The following DIAPH1 variants were observed in gnomAD, a reference collection of about 807,000 sequenced individuals.
DIAPH1 encodes the protein protein diaphanous homolog 1.
In DIAPH1, 46 loss-of-function variants were observed where a neutral mutation model predicts 140.7. The observed-to-expected ratio is 0.33, with a 90% CI of 0.26 to 0.42. The LOEUF (loss-of-function observed/expected upper bound fraction) is 0.42. Ranked by LOEUF, DIAPH1 falls within the 10% of genes least tolerant of loss-of-function variation. The pLI is 1.00. For synonymous variants in DIAPH1, 565 were observed against 551.6 expected (o/e 1.02, Z -0.34); for missense variants, 1,310 against 1,558.7 (o/e 0.84, Z 2.69).
At position 141,534,582 on chromosome 5, in the gene DIAPH1, C is replaced by T. The variant is rs2099888734; in HGVS notation, c.2483-149G>A. ...CCTTCAAAACTAACCTCCTCTTCAA[C>T]CAACCACCCTTTTATTACTGAACCT... On this transcript the variant is annotated intron_variant, in intron 18 of 27. Coordinates refer to ENST00000389054, the MANE Select transcript of DIAPH1 (RefSeq NM_005219.5). 5.1e-5 allele frequency: 34 copies of T among 661,516 alleles called. 1 individual carries two copies. Among genetic ancestry groups the T allele is most frequent in the South Asian group, 4.9e-4 (29 of 59,642 alleles). The allele number at this position is 661,516 out of a possible 1,614,324, so 41.0% of individuals were successfully genotyped here.
chr5:141,557,803 G>A (rs1352887820), intron 18 of DIAPH1: 2 of 152,212 alleles, frequency 1.3e-5, no homozygotes, highest in Admixed American at 1.3e-4. Flanking sequence ...TCAGGATGCA[G>A]GCAGCCTGCA....
chr5:141,583,753 C>A, intron 4 of DIAPH1, 138 bp from the exon 5 acceptor site: 2 of 1,231,664 alleles, frequency 1.6e-6, no homozygotes, highest in South Asian at 1.3e-5. Context: ...GTTGCCCAGG[C>A]TGATTTCAAA....
chr5:141,527,700 A>G lies in DIAPH1; in HGVS notation c.3149-3T>C, dbSNP rs747213946. 1 of 229,096 alleles carries G rather than the reference A, an allele frequency of 4.4e-6. No homozygotes were observed. Among genetic ancestry groups the G allele is most frequent in the Non-Finnish European group, 7.4e-6 (1 of 135,764 alleles). 14.2% of individuals were successfully genotyped at this position (229,096 alleles called of 1,614,324 possible). ...CTTTTGCAAGTTTTCAGCAGAAACT[A>G]AAAAAAAAAAAAAAAAAAAAAACCA... is the stretch of plus-strand genomic sequence containing the variant. On this transcript the variant is annotated splice_polypyrimidine_tract_variant and splice_region_variant and intron_variant, in intron 23 of 27. Coordinates refer to ENST00000389054, the MANE Select transcript of DIAPH1 (RefSeq NM_005219.5).
At chr5:141,555,679 G>A (rs1205892899) in intron 18 of DIAPH1, among the ~76,000 whole-genome samples, 2 of 152,096 alleles carry the variant, frequency 1.3e-5, no homozygotes, top group Admixed American at 6.5e-5. Context: ...CAAAATAGGT[G>A]GGTATAGATA....
At chr5:141,525,936 C>A in intron 26 of DIAPH1, 102 bp downstream of exon 26, 1 of 1,578,478 alleles carries the variant, frequency 6.3e-7, no homozygotes, top group East Asian at 2.2e-5. Flanking sequence ...AAATCATTTG[C>A]CAGGAGGTGA....
intron 1 of DIAPH1, among the ~76,000 whole-genome samples, chr5:141,610,028 T>C (rs2099901561): frequency 6.6e-6 from 1 of 152,206 alleles, no homozygotes; most frequent in Non-Finnish European, 1.5e-5. Flanking sequence ...CCGAGCACAG[T>C]GGCTCACACT....
At position 141,519,071 on chromosome 5, in the gene DIAPH1, T is replaced by C. The variant is rs538501415; in HGVS notation, c.3662-2063A>G. ...CTTATCTAGTTACAGATCATAGGTA[T>C]GTGCCCGAGACTGTGGGATTTTCAC... On this transcript the variant is annotated intron_variant, in intron 27 of 27. Coordinates refer to ENST00000389054, the MANE Select transcript of DIAPH1 (RefSeq NM_005219.5). 11 of 1,348,480 alleles carry C rather than the reference T, an allele frequency of 8.2e-6. No homozygotes were observed. The East Asian group carries it at 2.0e-4, about 25-fold the overall frequency. 83.5% of individuals were successfully genotyped at this position (1,348,480 alleles called of 1,614,324 possible).
chr5:141,557,064 A>G (rs915773728), intron 18 of DIAPH1, among the ~76,000 whole-genome samples: 1 of 152,256 alleles, frequency 6.6e-6, no homozygotes, highest in Non-Finnish European at 1.5e-5. Context: ...AGCATAAGAG[A>G]GAACCTATAG....
chr5:141,567,220 GT>G (rs144214345), intron 18 of DIAPH1, among the ~76,000 whole-genome samples: 2 of 152,312 alleles, frequency 1.3e-5, no homozygotes, highest in Non-Finnish European at 2.9e-5. Context: ...AAAGAAAATG[GT>G]GATGGAAAGG....
chr5:141,528,932 C>T lies in DIAPH1; in HGVS notation c.2788G>A (p.Val930Met). ...TTGAGGCGAGGCCGCAGTCGGGGCA[C>T]AGTGCCCATCTAGTAAAGAACACAA... ...SEQFGVVMGTVPRLRPRLNAI... is the reference protein window; with the variant it reads ...SEQFGVVMGTMPRLRPRLNAI... The change falls in exon 22 of 28, where the codon GTG (valine) becomes ATG (methionine). Residue 930 changes from valine (V) to methionine (M), a missense_variant. Physicochemically the swap from Val to Met is conservative, Grantham distance 21. Coordinates refer to ENST00000389054, the MANE Select transcript of DIAPH1 (RefSeq NM_005219.5). 4 of 1,613,832 alleles carry T rather than the reference C, an allele frequency of 2.5e-6. No individual in the cohort carries two copies. The highest frequency in any genetic ancestry group is 3.4e-6 in the Non-Finnish European group (4 of 1,180,048).
rs1293774648 is a variant in DIAPH1, at chr5:141,534,428, T to C, written c.2488A>G (p.Lys830Glu). The change falls in exon 19 of 28, where the codon AAG becomes GAG. Residue 830 changes from lysine (K) to glutamate (E), a missense_variant. Transcript: ENST00000389054. ...TTTTCTTCTCCACCTTCTTGATCCT[T>C]CTTGGCTAGCAGGGAAAAGATTAGA... ...SAQTKTSKAKKDQEGGEEKKS... is the reference protein window; with the variant it reads ...SAQTKTSKAKEDQEGGEEKKS... The C allele has an allele frequency of 1.9e-6, 3 of 1,613,202 alleles. No homozygotes were observed. The highest frequency in any genetic ancestry group is 2.2e-5 in the South Asian group (2 of 91,084).
At position 141,580,773 on chromosome 5, in the gene DIAPH1, A is replaced by G; in HGVS notation, c.795T>C (p.Ala265=). 1.2e-6 allele frequency: 2 copies of G among 1,614,212 alleles called. No homozygotes were observed. Among genetic ancestry groups the G allele is most frequent in the South Asian group, 2.2e-5 (2 of 91,084 alleles). The stretch of plus-strand genomic sequence containing the variant: ...CCTCTGGCTGCGGTAGAATACAAAG[A>G]GCAGAAAGCAGCTTAGCTGCATCAA... ...MMIDAAKLLS[A]LCILPQPEDM... Residue 265 remains alanine (A), a synonymous_variant, in exon 8 of 28, where the codon GCT becomes GCC. Coordinates refer to ENST00000389054, the MANE Select transcript of DIAPH1 (RefSeq NM_005219.5).
At chr5:141,522,515 A>AGGAAGAGGCTTAAAAGGGAATTCCCCCGT in intron 27 of DIAPH1, among the ~76,000 whole-genome samples, 1 of 150,840 alleles carries the variant, frequency 6.6e-6, no homozygotes, top group East Asian at 2.0e-4. Context: ...ATAGTTCCAC[A>AGGAAGAGGCTTAAAAGGGAATTCCCCCGT]GGAAGAGGCT....
intron 18 of DIAPH1, among the ~76,000 whole-genome samples, chr5:141,549,571 TACTA>T (rs2154595587): frequency 6.6e-6 from 1 of 152,196 alleles, no homozygotes; most frequent in South Asian, 2.1e-4. Context: ...TACCCAATAA[TACTA>T]ACATATCTTT....
intron 8 of DIAPH1, among the ~76,000 whole-genome samples, chr5:141,579,817 G>A (rs763116321): frequency 4.0e-5 from 6 of 151,842 alleles, no homozygotes; most frequent in Non-Finnish European, 7.4e-5. Flanking sequence ...GCGTGGTGGC[G>A]GACTCCTGTA....
Position 141,610,458 on chromosome 5 carries a change from G to A in DIAPH1, c.117+8340C>T, listed in dbSNP as rs778794369. Among the ~76,000 whole-genome samples the A allele has an allele frequency of 2.6e-5, 4 of 152,028 alleles. No homozygotes were observed. The South Asian group carries it at 8.3e-4, about 32-fold the overall frequency. ...TGGGATTACAGGCACGCACCACCAC[G>A]CCCAGCTAAGTTTTGTATTTTTAGT... is the stretch of plus-strand genomic sequence containing the variant. On this transcript the variant is annotated intron_variant, in intron 1 of 27. Transcript: ENST00000389054.
intron 27 of DIAPH1, among the ~76,000 whole-genome samples, chr5:141,519,170 G>A (rs2099886152): frequency 6.6e-6 from 1 of 152,156 alleles, no homozygotes; most frequent in African/African-American, 2.4e-5. Flanking sequence ...GAGCCTACGT[G>A]AGTGTGACTA....
At chr5:141,552,622 C>G (rs1403863529) in intron 18 of DIAPH1, among the ~76,000 whole-genome samples, 1 of 152,028 alleles carries the variant, frequency 6.6e-6, no homozygotes, top group Non-Finnish European at 1.5e-5. Context: ...TAAGATAATA[C>G]GTTTGCATTG....
chr5:141,582,600 T>C (rs774592323), intron 6 of DIAPH1, among the ~76,000 whole-genome samples: 1 of 152,218 alleles, frequency 6.6e-6, no homozygotes, highest in Non-Finnish European at 1.5e-5. Flanking sequence ...AATTTAGTAT[T>C]ATATTAAAAT....
Sources: gnomAD v4.1 joint callset for allele counts (sites outside exome capture counted in the v4.1 genomes callset) on GRCh38, gnomAD v4.1.1 for gene constraint, MANE v1.5 for transcripts, NCBI Gene and HGNC (gene_info 2026-07-23, HGNC 2026-07-21) for gene names.